Variants in HS6ST3 observed in about 807,000 individuals in gnomAD.
HS6ST3 encodes the protein heparan-sulfate 6-O-sulfotransferase 3.
Under a neutral mutation model 36.7 loss-of-function variants are expected in HS6ST3, and 12 were observed. The observed-to-expected ratio is 0.33, with a 90% confidence interval of 0.21 to 0.53. The LOEUF (loss-of-function observed/expected upper bound fraction) is 0.53, where lower values mean the gene tolerates loss of function less well. HS6ST3 is among the 20% of genes least tolerant of loss of function. The pLI is 0.95. For synonymous variants in HS6ST3, 240 were observed against 257.5 expected (o/e 0.93, Z 0.65); for missense variants, 584 against 640.9 (o/e 0.91, Z 0.96).
chr13:96,569,189 A>T (rs996924786), intron 1 of HS6ST3, among the ~76,000 whole-genome samples: 1 of 152,186 alleles, frequency 6.6e-6, no homozygotes, highest in Non-Finnish European at 1.5e-5. Flanking sequence ...AGCTTCTACT[A>T]GACGTTCAAT....
intron 1 of HS6ST3, among the ~76,000 whole-genome samples, chr13:96,194,233 G>A (rs2054301754): frequency 6.6e-6 from 1 of 152,110 alleles, no homozygotes; most frequent in Admixed American, 6.5e-5. Flanking sequence ...CTGCTTGTAG[G>A]AAATGCATTG....
At chr13:96,580,533 C>CTTAATTAGTAAGAA (rs2056338201) in intron 1 of HS6ST3, among the ~76,000 whole-genome samples, 1 of 151,950 alleles carries the variant, frequency 6.6e-6, no homozygotes, top group African/African-American at 2.4e-5. Flanking sequence ...CTAATCCCTA[C>CTTAATTAGTAAGAA]CGTGAGTGAC....
chr13:96,213,375 T>C (rs2054408251), intron 1 of HS6ST3, among the ~76,000 whole-genome samples: 1 of 152,214 alleles, frequency 6.6e-6, no homozygotes, highest in African/African-American at 2.4e-5. Flanking sequence ...TATTTTTAAC[T>C]GTTTGTTTTG....
At chr13:96,659,048 G>C (rs560325502) in intron 1 of HS6ST3, among the ~76,000 whole-genome samples, 4 of 152,140 alleles carry the variant, frequency 2.6e-5, no homozygotes, top group Non-Finnish European at 5.9e-5. Flanking sequence ...TAGCAGTGTT[G>C]ATTGCTGTAT....
chr13:96,543,529 G>T (rs374297113), intron 1 of HS6ST3, among the ~76,000 whole-genome samples: 1 of 152,322 alleles, frequency 6.6e-6, no homozygotes, highest in East Asian at 1.9e-4. Flanking sequence ...GGATATAAAA[G>T]ATAGAACTAT....
intron 1 of HS6ST3, among the ~76,000 whole-genome samples, chr13:96,596,670 A>C (rs1205953322): frequency 6.6e-6 from 1 of 152,154 alleles, no homozygotes; most frequent in Non-Finnish European, 1.5e-5. Context: ...ATTATTAAAA[A>C]GTCAAAAAAG....
chr13:96,480,261 C>T (rs1470454314), intron 1 of HS6ST3, among the ~76,000 whole-genome samples: 1 of 152,026 alleles, frequency 6.6e-6, no homozygotes, highest in Non-Finnish European at 1.5e-5. Context: ...TTACAGGTGC[C>T]TGCCACCACA....
chr13:96,138,846 A>T (rs528049677), intron 1 of HS6ST3, among the ~76,000 whole-genome samples: 1 of 152,276 alleles, frequency 6.6e-6, no homozygotes, highest in Admixed American at 6.5e-5. Flanking sequence ...GACTGATTTT[A>T]AATTGGCACA....
chr13:96,722,309 T>C (rs1338902560), intron 1 of HS6ST3, among the ~76,000 whole-genome samples: 2 of 152,176 alleles, frequency 1.3e-5, no homozygotes, highest in Non-Finnish European at 2.9e-5. Flanking sequence ...TCCCAGGTTT[T>C]CACTGGCAAA....
chr13:96,521,848 T>A (rs1658070413), intron 1 of HS6ST3, among the ~76,000 whole-genome samples: 1 of 152,208 alleles, frequency 6.6e-6, no homozygotes, highest in Non-Finnish European at 1.5e-5. Context: ...TGTCTCTGTC[T>A]CCTTCAGTTC....
At chr13:96,731,583 T>G (rs567533766) in intron 1 of HS6ST3, among the ~76,000 whole-genome samples, 1 of 152,324 alleles carries the variant, frequency 6.6e-6, no homozygotes, top group Admixed American at 6.5e-5. Flanking sequence ...GATATATTGA[T>G]TTCATTTCCT....
At chr13:96,796,671 T>C (rs546483812) in intron 1 of HS6ST3, among the ~76,000 whole-genome samples, 1 of 152,182 alleles carries the variant, frequency 6.6e-6, no homozygotes, top group East Asian at 1.9e-4. Context: ...CATACAGAAG[T>C]AAAAACTAGC....
chr13:96,204,684 G>T (rs1477286217), intron 1 of HS6ST3, among the ~76,000 whole-genome samples: 1 of 152,092 alleles, frequency 6.6e-6, no homozygotes, highest in Non-Finnish European at 1.5e-5. Flanking sequence ...TCAAGATTAA[G>T]AAATTCACTC....
At chr13:96,575,567 G>A (rs987183574) in intron 1 of HS6ST3, among the ~76,000 whole-genome samples, 1 of 152,158 alleles carries the variant, frequency 6.6e-6, no homozygotes, top group Non-Finnish European at 1.5e-5. Context: ...TGATGTTTCA[G>A]TCCTTTCAGG....
At chr13:96,473,361 T>C (rs1011860581) in intron 1 of HS6ST3, among the ~76,000 whole-genome samples, 1 of 152,186 alleles carries the variant, frequency 6.6e-6, no homozygotes, top group Admixed American at 6.5e-5. Context: ...TTATCTGAGC[T>C]CTCGTGCCAA....
chr13:96,634,453 G>A, intron 1 of HS6ST3, among the ~76,000 whole-genome samples: 1 of 152,122 alleles, frequency 6.6e-6, no homozygotes, highest in South Asian at 2.1e-4. Flanking sequence ...AACAAATAAA[G>A]CCTCACTCTT....
chr13:96,312,457 GTT>G (rs1415996110), intron 1 of HS6ST3, among the ~76,000 whole-genome samples: 1 of 151,940 alleles, frequency 6.6e-6, no homozygotes, highest in Non-Finnish European at 1.5e-5. Flanking sequence ...ATAAATTATA[GTT>G]TGTTAATTTC....
chr13:96,804,767 G>A (rs1878157561), intron 1 of HS6ST3, among the ~76,000 whole-genome samples: 1 of 152,082 alleles, frequency 6.6e-6, no homozygotes, highest in Admixed American at 6.6e-5. Context: ...ACGGGACTGC[G>A]TAAAAATTCA....
At chr13:96,252,839 C>T (rs1190693338) in intron 1 of HS6ST3, among the ~76,000 whole-genome samples, 1 of 151,968 alleles carries the variant, frequency 6.6e-6, no homozygotes, top group African/African-American at 2.4e-5. Flanking sequence ...CTCCCTTGCT[C>T]CTGCTTCACC....
Sources: gnomAD v4.1 joint callset for allele counts (sites outside exome capture counted in the v4.1 genomes callset) on GRCh38, gnomAD v4.1.1 for gene constraint, MANE v1.5 for transcripts, NCBI Gene and HGNC (gene_info 2026-07-23, HGNC 2026-07-21) for gene names.